Variants in HERC2 observed in about 807,000 individuals in gnomAD.
HERC2 encodes E3 ubiquitin-protein ligase HERC2.
A neutral mutation model predicts 537.7 loss-of-function variants in HERC2; 102 were observed. The observed-to-expected ratio is 0.19, with a 90% CI of 0.16 to 0.22. The LOEUF is 0.22. Ranked by LOEUF, HERC2 falls within the 10% of genes least tolerant of loss-of-function variation. HERC2 has a pLI of 1.00. For missense variants in HERC2, 4,236 were observed against 6,198.2 expected, an observed-to-expected ratio of 0.68 and a Z score of 10.63; for synonymous variants, 2,224 against 2,466.2, an observed-to-expected ratio of 0.90 and a Z score of 2.91.
intron 79 of HERC2, among the ~76,000 whole-genome samples, chr15:28,134,964 C>T (rs147131648): frequency 1.8e-4 from 27 of 152,242 alleles, no homozygotes; most frequent in African/African-American, 4.3e-4. Flanking sequence ...TGAGCCACCA[C>T]GCCGGACCTG....
chr15:28,285,992 G>C (rs1169010871), intron 4 of HERC2, among the ~76,000 whole-genome samples: 1 of 151,750 alleles, frequency 6.6e-6, no homozygotes, highest in Non-Finnish European at 1.5e-5. Flanking sequence ...TAGATCATTT[G>C]AATAGCCCTA....
chr15:28,262,779 C>T lies in HERC2; in HGVS notation c.2122+139G>A, dbSNP rs78374687. ...GCAGTAAAAGTTTCTAATGACAGTC[C>T]ATTCATGGAATGTCAGGTTAAGAAC... On this transcript the variant is annotated intron_variant, in intron 15 of 92. Coordinates refer to ENST00000261609, the MANE Select transcript of HERC2 (RefSeq NM_004667.6). 4,719 of 863,432 alleles carry T rather than the reference C, an allele frequency of 5.5e-3. 143 individuals carry two copies. In the African/African-American group the frequency reaches 0.071, roughly 13 times the overall value. 53.5% of individuals were successfully genotyped at this position (863,432 alleles called of 1,614,324 possible). A position where few individuals can be genotyped will look rare whatever the true frequency, so the allele number is the denominator to read the frequency against.
At chr15:28,269,882 T>C (rs772173914) in intron 10 of HERC2, among the ~76,000 whole-genome samples, 1 of 152,256 alleles carries the variant, frequency 6.6e-6, no homozygotes, top group Non-Finnish European at 1.5e-5. Context: ...CACCTGTGCA[T>C]GTGCACGGGC....
At chr15:28,286,273 T>C (rs1033839660) in intron 4 of HERC2, among the ~76,000 whole-genome samples, 33 of 152,114 alleles carry the variant, frequency 2.2e-4, no homozygotes, top group African/African-American at 7.7e-4. Context: ...TAGAAGCTAA[T>C]ATTAACATTT....
chr15:28,250,795 A>C (rs2075050443), intron 20 of HERC2, among the ~76,000 whole-genome samples: 1 of 152,180 alleles, frequency 6.6e-6, no homozygotes, highest in South Asian at 2.1e-4. Flanking sequence ...GTGAGAAAAC[A>C]GTGTCTACCC....
Position 28,178,996 on chromosome 15 carries a change from T to G in HERC2, c.9054A>C (p.Glu3018Asp). Residue 3018 changes from glutamate to aspartate, a missense_variant, in exon 59 of 93, where the codon GAA becomes GAC. By Grantham distance (45) the Glu-to-Asp change is conservative (BLOSUM62 2). This residue lies in a region of HERC2 where 606 missense variants were observed against 884.5 expected (regional missense o/e 0.69). Transcript: ENST00000261609. ...CCAGCCCCAGCCGGCCATTCGTGGC[T>G]TCTCCACAGGCATACACCTTCCCTT... ...TVEGKVYACG[E>D]ATNGRLGLGI... 1 of 1,614,246 alleles carries G rather than the reference T, an allele frequency of 6.2e-7. No individual in the cohort carries two copies. The highest frequency in any genetic ancestry group is 1.3e-5 in the African/African-American group (1 of 75,076).
At chr15:28,173,828 T>C (rs28744636) in intron 65 of HERC2, among the ~76,000 whole-genome samples, 1,593 of 133,310 alleles carry the variant, frequency 0.012, 13 homozygotes, top group Middle Eastern at 0.024. Flanking sequence ...ACAACAACAA[T>C]AACAAAAAGA....
At chr15:28,210,961 T>G in intron 44 of HERC2, 41 bp downstream of exon 44, 1 of 951,134 alleles carries the variant, frequency 1.1e-6, no homozygotes, top group Non-Finnish European at 1.7e-6. Flanking sequence ...TACTTTCTAC[T>G]GCCCTTCTTA....
chr15:28,186,052 G>A (rs1365977124), intron 56 of HERC2, among the ~76,000 whole-genome samples: 1 of 152,186 alleles, frequency 6.6e-6, no homozygotes, highest in Non-Finnish European at 1.5e-5. Context: ...TTACAGGACT[G>A]AAGACTAATC....
At chr15:28,199,733 G>C (rs1181366085) in intron 48 of HERC2, among the ~76,000 whole-genome samples, 2 of 152,140 alleles carry the variant, frequency 1.3e-5, no homozygotes, top group African/African-American at 4.8e-5. Context: ...GTTGAGATGG[G>C]GCCGGAGGGA....
intron 85 of HERC2, 67 bp from the exon 86 acceptor site, chr15:28,121,496 C>A: frequency 3.1e-6 from 4 of 1,285,256 alleles, no homozygotes; most frequent in Non-Finnish European, 3.4e-6. Flanking sequence ...AAGAAATCAT[C>A]ACATAGTTTT....
chr15:28,317,171 A>G (rs1450479244), intron 2 of HERC2, among the ~76,000 whole-genome samples: 12 of 151,780 alleles, frequency 7.9e-5, no homozygotes, highest in Non-Finnish European at 1.5e-4. Context: ...GCTCACTGCA[A>G]CCTCCACCTC....
chr15:28,297,672 T>C (rs139541182), intron 3 of HERC2, among the ~76,000 whole-genome samples: 52 of 152,322 alleles, frequency 3.4e-4, no homozygotes, highest in African/African-American at 1.2e-3. Flanking sequence ...TGTCAAATGC[T>C]GGAGAAACAT....
At chr15:28,235,859 C>T (rs1214286853) in intron 26 of HERC2, among the ~76,000 whole-genome samples, 32 of 152,090 alleles carry the variant, frequency 2.1e-4, no homozygotes, top group Admixed American at 1.5e-3. Context: ...GCTGCTCACA[C>T]GGATGGACAG....
intron 86 of HERC2, among the ~76,000 whole-genome samples, chr15:28,118,852 G>A (rs1166403158): frequency 6.6e-6 from 1 of 152,202 alleles, no homozygotes; most frequent in East Asian, 1.9e-4. Context: ...GCTTTGGGAG[G>A]GGCATGCTAC....
rs747671034 is a variant in HERC2 at position 28,177,496 on chromosome 15, C to T, written c.9177G>A (p.Ala3059=). Residue 3059 remains alanine (A), a synonymous_variant, in exon 60 of 93, where the codon GCG becomes GCA. Coordinates refer to ENST00000261609, the MANE Select transcript of HERC2 (RefSeq NM_004667.6). The surrounding 1 kb of genome is among the most constrained non-coding windows in gnomAD (Gnocchi z 5.0). Reference sequence around the variant, plus strand: ...CTTTTCCATCGACAGTTAAAGCCGTCGCGTGCCGGCCACCTGCAACATTCA... The same window carrying T: ...CTTTTCCATCGACAGTTAAAGCCGTTGCGTGCCGGCCACCTGCAACATTCA... The part of the protein sequence containing the change: ...KVAVHSGGRH[A]TALTVDGKVF... 11 of 1,614,076 alleles carry T rather than the reference C, an allele frequency of 6.8e-6. No individual in the cohort carries two copies. The highest frequency in any genetic ancestry group is 5.0e-5 in the Admixed American group (3 of 60,008).
chr15:28,314,570 T>A (rs1278232593), intron 2 of HERC2, among the ~76,000 whole-genome samples: 1 of 151,936 alleles, frequency 6.6e-6, no homozygotes, highest in Non-Finnish European at 1.5e-5. Context: ...AAAAGAATCA[T>A]ATGTCAGCCA....
At chr15:28,224,729 A>T (rs548611499) in intron 35 of HERC2, among the ~76,000 whole-genome samples, 8 of 152,252 alleles carry the variant, frequency 5.3e-5, no homozygotes, top group Non-Finnish European at 1.0e-4. Context: ...ACCACAGAAC[A>T]CTCTCTTAGA....
chr15:28,288,531 G>A (rs1161902275), intron 4 of HERC2, among the ~76,000 whole-genome samples: 18 of 117,306 alleles, frequency 1.5e-4, no homozygotes, highest in East Asian at 3.8e-4. Flanking sequence ...CCAAAACTCC[G>A]ACTCAAAAAA....
Sources: allele counts gnomAD v4.1 joint callset (sites outside exome capture counted in the v4.1 genomes callset), GRCh38; gene constraint gnomAD v4.1.1; regional missense constraint gnomAD v4.1.1; non-coding constraint Gnocchi (gnomAD v3.1); transcripts MANE v1.5; gene names NCBI Gene and HGNC (gene_info 2026-07-23, HGNC 2026-07-21).